The following PDE4D variants were observed in gnomAD, a reference collection of about 807,000 sequenced individuals.
PDE4D encodes the protein 3',5'-cyclic-AMP phosphodiesterase 4D.
PDE4D carries 24 observed loss-of-function variants against 87.4 expected under a neutral mutation model. The ratio of observed to expected loss-of-function variants is 0.27; its 90% CI spans 0.20 to 0.39. The LOEUF is 0.39. Ranked by LOEUF, PDE4D falls within the 10% of genes least tolerant of loss-of-function variation. PDE4D has a pLI of 1.00. For missense variants in PDE4D, 714 were observed against 1,041.0 expected, an observed-to-expected ratio of 0.69 and a Z score of 4.32; for synonymous variants, 384 against 383.2, an observed-to-expected ratio of 1.00 and a Z score of -0.02.
chr5:59,141,780 A>C (rs1196520851), intron 5 of PDE4D, among the ~76,000 whole-genome samples: 2 of 152,238 alleles, frequency 1.3e-5, no homozygotes, highest in Non-Finnish European at 2.9e-5. Context: ...TCAGACCCGT[A>C]ACCCATTCAT....
chr5:59,540,249 T>G (rs1816073618), intron 1 of PDE4D, among the ~76,000 whole-genome samples: 1 of 152,174 alleles, frequency 6.6e-6, no homozygotes, highest in Non-Finnish European at 1.5e-5. Context: ...GCTCTCTTTC[T>G]TTCATTTTTT....
At chr5:59,692,630 A>C (rs1751155597) in intron 1 of PDE4D, among the ~76,000 whole-genome samples, 1 of 152,132 alleles carries the variant, frequency 6.6e-6, no homozygotes, top group African/African-American at 2.4e-5. Context: ...CTCATGTTGT[A>C]GAGTATTGCT....
chr5:59,419,636 G>T (rs1235431044), intron 1 of PDE4D, among the ~76,000 whole-genome samples: 1 of 152,198 alleles, frequency 6.6e-6, no homozygotes, highest in Non-Finnish European at 1.5e-5. Context: ...GGAGGCTCCT[G>T]TGCATAGAGT....
At chr5:59,146,048 A>C (rs1034696754) in intron 5 of PDE4D, among the ~76,000 whole-genome samples, 4 of 152,108 alleles carry the variant, frequency 2.6e-5, no homozygotes, top group African/African-American at 9.7e-5. Context: ...AATCGCTTGA[A>C]CCTGGGAGGT....
At chr5:59,385,863 G>A (rs541503676) in intron 1 of PDE4D, among the ~76,000 whole-genome samples, 21 of 152,076 alleles carry the variant, frequency 1.4e-4, no homozygotes, top group African/African-American at 4.3e-4. Context: ...TATCTATCTC[G>A]GAGTATCTCA....
chr5:59,598,530 A>G (rs552394955), intron 1 of PDE4D, among the ~76,000 whole-genome samples: 2 of 152,196 alleles, frequency 1.3e-5, no homozygotes, highest in African/African-American at 2.4e-5. Context: ...CTCGTCTTCC[A>G]TAACCACTCA....
At chr5:60,205,795 G>C (rs1742441877) in intron 1 of PDE4D, among the ~76,000 whole-genome samples, 1 of 152,058 alleles carries the variant, frequency 6.6e-6, no homozygotes, top group Non-Finnish European at 1.5e-5. Flanking sequence ...GCTGAGACAG[G>C]AGAGTTGTTC....
chr5:60,045,013 C>G (rs951573945), intron 2 of PDE4D, among the ~76,000 whole-genome samples: 8 of 152,210 alleles, frequency 5.3e-5, no homozygotes, highest in African/African-American at 1.9e-4. Flanking sequence ...TATCCACATC[C>G]TCTCCAGCAC....
At chr5:59,096,011 A>T (rs1391154235) in intron 5 of PDE4D, among the ~76,000 whole-genome samples, 1 of 152,162 alleles carries the variant, frequency 6.6e-6, no homozygotes, top group African/African-American at 2.4e-5. Context: ...GTGCTAGTTA[A>T]GCTGGTTACT....
intron 5 of PDE4D, among the ~76,000 whole-genome samples, chr5:59,138,117 CT>C (rs1178735602): frequency 3.9e-5 from 6 of 152,324 alleles, no homozygotes; most frequent in African/African-American, 1.2e-4. Flanking sequence ...TATTACTTCA[CT>C]TTTGTCCCTG....
chr5:59,269,705 T>C (rs979923275), intron 1 of PDE4D, among the ~76,000 whole-genome samples: 16 of 152,132 alleles, frequency 1.1e-4, no homozygotes, highest in Non-Finnish European at 2.2e-4. Flanking sequence ...ACTCAGTGGC[T>C]GTTTTATTGT....
rs576873187 is a variant in PDE4D, at chr5:60,469,282, C to T, written c.-90+18660G>A. On this transcript the variant is annotated intron_variant, in intron 1 of 16. Coordinates refer to the PDE4D transcript ENST00000502484. ...CCCTTACTTTTCTTCCTTTCCTTCA[C>T]TCCACCCCCTCCTGTTCTGTCTCCT... Among the ~76,000 whole-genome samples, 39 of 152,224 alleles carry T rather than the reference C, an allele frequency of 2.6e-4. No homozygotes were observed. In the South Asian group the frequency reaches 3.9e-3, roughly 15 times the overall value.
intron 1 of PDE4D, among the ~76,000 whole-genome samples, chr5:59,668,804 AAAGAAGAAG>A (rs569736039): frequency 4.3e-4 from 47 of 108,228 alleles, no homozygotes; most frequent in African/African-American, 1.6e-3. Context: ...GAAGAAGAAG[AAAGAAGAAG>A]AAGAAGAAGA....
intron 1 of PDE4D, among the ~76,000 whole-genome samples, chr5:60,461,250 T>C (rs1000039269): frequency 6.6e-6 from 1 of 152,082 alleles, no homozygotes; most frequent in Non-Finnish European, 1.5e-5. Flanking sequence ...AAATACACAG[T>C]TGGGGGGAAT....
intron 2 of PDE4D, among the ~76,000 whole-genome samples, chr5:60,151,668 A>G (rs1781518014): frequency 6.6e-6 from 1 of 152,190 alleles, no homozygotes. Flanking sequence ...TTCTACATAT[A>G]AGATCATGTA....
chr5:59,229,830 C>T (rs1754736276), intron 1 of PDE4D, among the ~76,000 whole-genome samples: 1 of 152,148 alleles, frequency 6.6e-6, no homozygotes, highest in Non-Finnish European at 1.5e-5. Context: ...TGGAGTTTTG[C>T]TCTTGTTGTG....
chr5:60,314,375 C>G (rs1264789525), intron 1 of PDE4D, among the ~76,000 whole-genome samples: 1 of 152,062 alleles, frequency 6.6e-6, no homozygotes, highest in African/African-American at 2.4e-5. Context: ...CCATGTTGCC[C>G]AGGCTGGTCT....
chr5:60,048,968 C>G (rs1254341420), intron 2 of PDE4D, among the ~76,000 whole-genome samples: 1 of 152,192 alleles, frequency 6.6e-6, no homozygotes, highest in Non-Finnish European at 1.5e-5. Context: ...TGTTTTCCAA[C>G]TTGGTCCCAT....
rs697075 is a variant in PDE4D at position 59,552,572 on chromosome 5, A to T, written c.456-336604T>A. On this transcript the variant is annotated intron_variant, in intron 1 of 14. Transcript: ENST00000340635. ...CGACTCACACTTAAAAATTGGTTTC[A>T]CCATTGAAATAAACACTATATTCTT... is the stretch of plus-strand genomic sequence containing the variant. Among the ~76,000 whole-genome samples, 781 of 152,098 alleles carry T rather than the reference A, an allele frequency of 5.1e-3. 4 individuals carry two copies. The highest frequency in any genetic ancestry group is 7.8e-3 in the Non-Finnish European group (533 of 67,974).
Sources: allele counts gnomAD v4.1 joint callset (sites outside exome capture counted in the v4.1 genomes callset), GRCh38; gene constraint gnomAD v4.1.1; transcripts MANE v1.5; gene names NCBI Gene and HGNC (gene_info 2026-07-23, HGNC 2026-07-21).